GXYLT2: variants seen among roughly 807,000 people sequenced by gnomAD.
GXYLT2 encodes the protein glucoside xylosyltransferase 2, also known as glycosyltransferase 8 domain containing 4.
GXYLT2 carries 53 observed loss-of-function variants against 45.8 expected under a neutral mutation model. That is an observed-to-expected ratio of 1.16 (90% CI 0.93 to 1.46). GXYLT2 has a LOEUF of 1.46. Among genes scored for constraint, GXYLT2 ranks in the 40% most tolerant of loss-of-function variants. The pLI, the probability that GXYLT2 is intolerant of heterozygous loss-of-function variation, is 0.00. For synonymous variants in GXYLT2, 219 were observed against 214.2 expected, an observed-to-expected ratio of 1.02 and a Z score of -0.19; for missense variants, 551 against 544.4, an observed-to-expected ratio of 1.01 and a Z score of -0.12.
intron 1 of GXYLT2, among the ~76,000 whole-genome samples, chr3:72,905,327 A>T (rs945336279): frequency 6.6e-6 from 1 of 152,082 alleles, no homozygotes; most frequent in Non-Finnish European, 1.5e-5. Context: ...CATGATGGCC[A>T]GGCTGGTCTC....
intron 1 of GXYLT2, among the ~76,000 whole-genome samples, chr3:72,905,531 A>G (rs1224962717): frequency 6.6e-6 from 1 of 152,180 alleles, no homozygotes; most frequent in East Asian, 1.9e-4. Context: ...TCTCCTTTGC[A>G]TAGTCACTGA....
chr3:72,904,441 T>G (rs1375428876), intron 1 of GXYLT2, among the ~76,000 whole-genome samples: 2 of 152,058 alleles, frequency 1.3e-5, no homozygotes, highest in Non-Finnish European at 2.9e-5. Flanking sequence ...CCAGCAAAGG[T>G]CTCATTAAAT....
intron 3 of GXYLT2, among the ~76,000 whole-genome samples, chr3:72,935,094 C>G (rs546935216): frequency 6.6e-5 from 10 of 152,144 alleles, no homozygotes; most frequent in African/African-American, 2.4e-4. Context: ...AGCTTATCAA[C>G]CTACAGAAAA....
At chr3:72,926,331 A>C (rs986784323) in intron 3 of GXYLT2, among the ~76,000 whole-genome samples, 8 of 152,222 alleles carry the variant, frequency 5.3e-5, no homozygotes, top group African/African-American at 1.9e-4. Context: ...ACTCCTACAA[A>C]TCAGTGGACA....
chr3:72,929,172 G>A, intron 3 of GXYLT2: 3 of 1,588,000 alleles, frequency 1.9e-6, no homozygotes, highest in Non-Finnish European at 2.6e-6. Flanking sequence ...TACTTTGACC[G>A]CGATGATGTG....
At chr3:72,897,176 A>G (rs1415188215) in intron 1 of GXYLT2, among the ~76,000 whole-genome samples, 1 of 152,234 alleles carries the variant, frequency 6.6e-6, no homozygotes, top group Non-Finnish European at 1.5e-5. Context: ...TGCACGTGAT[A>G]GAATACCAGC....
In GXYLT2 at chr3:72,974,543, C is replaced by T. The variant is rs1479434897; in HGVS notation, c.1150-434C>T. On this transcript the variant is annotated intron_variant, in intron 6 of 6. Transcript: ENST00000389617. ...AAACATGCTATGATATATGGACTTT[C>T]CTGTCCTTAGAGACATGCATCATTT... 2.6e-5 allele frequency among the ~76,000 whole-genome samples: 4 copies of T among 152,186 alleles called. No individual in the cohort carries two copies. The East Asian group carries it at 7.7e-4, about 29-fold the overall frequency.
intron 5 of GXYLT2, among the ~76,000 whole-genome samples, chr3:72,959,814 T>C (rs1210124784): frequency 6.6e-6 from 1 of 152,046 alleles, no homozygotes; most frequent in Admixed American, 6.6e-5. Context: ...TTTGTGCTTT[T>C]AGTAGAGACA....
intron 3 of GXYLT2, among the ~76,000 whole-genome samples, chr3:72,945,936 G>A (rs992770125): frequency 6.6e-6 from 1 of 152,114 alleles, no homozygotes; most frequent in African/African-American, 2.4e-5. Flanking sequence ...CCTAGAAACT[G>A]ACTAAAGCAT....
chr3:72,949,187 A>T (rs1376805997), intron 3 of GXYLT2, among the ~76,000 whole-genome samples: 1 of 152,120 alleles, frequency 6.6e-6, no homozygotes, highest in Non-Finnish European at 1.5e-5. Flanking sequence ...GCACCTGCCC[A>T]CTTGGACAGC....
chr3:72,929,920 A>G (rs1709995615), intron 3 of GXYLT2, among the ~76,000 whole-genome samples: 1 of 152,148 alleles, frequency 6.6e-6, no homozygotes, highest in Admixed American at 6.5e-5. Context: ...TAATCCCAGC[A>G]CTTTGGGAGG....
chr3:72,888,488 G>A lies in GXYLT2; in HGVS notation c.255G>A (p.Ala85=), dbSNP rs1469098371. The change falls in exon 1 of 7, where the codon GCG becomes GCA. Residue 85 remains alanine, a synonymous_variant. Transcript: ENST00000389617. ...CCCGAGCGGGCCGCCGGGGCGCTGCGAGACTGGAGAAGTTGGCGAGGTGAG... is the reference window on the plus strand; with the variant it reads ...CCCGAGCGGGCCGCCGGGGCGCTGCAAGACTGGAGAAGTTGGCGAGGTGAG... ...PRPRAGRRGA[A]RLEKLARRPG... 1 of 1,249,458 alleles carries A rather than the reference G, an allele frequency of 8.0e-7. No homozygotes were observed. Among genetic ancestry groups the A allele is most frequent in the Non-Finnish European group, 1.0e-6 (1 of 992,822 alleles). 77.4% of individuals were successfully genotyped at this position (1,249,458 alleles called of 1,614,324 possible). A position where few individuals can be genotyped will look rare whatever the true frequency, so the allele number is the denominator to read the frequency against.
intron 5 of GXYLT2, among the ~76,000 whole-genome samples, chr3:72,957,734 C>T (rs1710676934): frequency 6.6e-6 from 1 of 152,142 alleles, no homozygotes; most frequent in Non-Finnish European, 1.5e-5. Context: ...AATTGATTCT[C>T]AGGGTCCTTG....
intron 3 of GXYLT2, 104 bp downstream of exon 3, chr3:72,922,439 G>A: frequency 8.5e-7 from 1 of 1,169,940 alleles, no homozygotes; most frequent in Non-Finnish European, 1.2e-6. Context: ...GAAAACCTGT[G>A]TCTCTTGGAT....
In GXYLT2 at chr3:72,888,152, G is replaced by T. The variant is rs1163626225; in HGVS notation, c.-82G>T. ...CGGGCGGAGGAGGCGACCGCCGCGC[G>T]CTGCTGCACTCATCCTGCCGCCGCC... On this transcript the variant is annotated 5_prime_UTR_variant, in exon 1 of 7. Transcript: ENST00000389617. The T allele has an allele frequency of 8.6e-6, 8 of 929,520 alleles. No individual in the cohort carries two copies. The highest frequency in any genetic ancestry group is 9.0e-6 in the Non-Finnish European group (7 of 781,248). The allele number at this position is 929,520 out of a possible 1,614,324, so 57.6% of individuals were successfully genotyped here.
intron 2 of GXYLT2, among the ~76,000 whole-genome samples, chr3:72,919,924 G>A (rs761181729): frequency 5.9e-5 from 9 of 152,234 alleles, no homozygotes; most frequent in Non-Finnish European, 8.8e-5. Context: ...TAACACTAAT[G>A]TAAACTGTGG....
chr3:72,894,860 A>G (rs1709256749), intron 1 of GXYLT2, among the ~76,000 whole-genome samples: 2 of 152,212 alleles, frequency 1.3e-5, no homozygotes. Context: ...TGGGCTGTGC[A>G]GTCATCTTGT....
intron 3 of GXYLT2, among the ~76,000 whole-genome samples, 187 bp from the exon 4 acceptor site, chr3:72,954,911 C>T (rs148420537): frequency 9.3e-4 from 142 of 152,308 alleles, no homozygotes; most frequent in African/African-American, 3.3e-3. Flanking sequence ...TTGATTGACA[C>T]TCATTCCTCA....
At chr3:72,967,781 T>G in intron 6 of GXYLT2, 62 bp downstream of exon 6, 2 of 1,448,190 alleles carry the variant, frequency 1.4e-6, no homozygotes, top group Non-Finnish European at 1.9e-6. Context: ...TATTGGCGCT[T>G]TAGTCACCTG....
Sources: gnomAD v4.1 joint callset for allele counts (sites outside exome capture counted in the v4.1 genomes callset) on GRCh38, gnomAD v4.1.1 for gene constraint, MANE v1.5 for transcripts, NCBI Gene and HGNC (gene_info 2026-07-23, HGNC 2026-07-21) for gene names.